MACROD2: variants seen among roughly 807,000 people sequenced by gnomAD.
MACROD2 encodes ADP-ribose glycohydrolase MACROD2.
In MACROD2, 36 loss-of-function variants were observed where a neutral mutation model predicts 70.4. That is an observed-to-expected ratio of 0.51 (90% confidence interval 0.39 to 0.68). MACROD2 has a LOEUF of 0.68. Among genes scored for constraint, MACROD2 ranks in the 30% least tolerant of loss-of-function variants. The probability of loss-of-function intolerance (pLI) is 0.00; values close to 1 mark genes in which losing one functional copy is unlikely to be tolerated. For missense variants in MACROD2, 496 were observed against 538.4 expected (o/e 0.92, Z 0.78); for synonymous variants, 172 against 178.8 (o/e 0.96, Z 0.30).
chr20:14,561,450 A>G (rs1035098868), intron 4 of MACROD2, among the ~76,000 whole-genome samples: 1 of 151,840 alleles, frequency 6.6e-6, no homozygotes, highest in Non-Finnish European at 1.5e-5. Context: ...TTCTATTGTC[A>G]TGAGCTTTTG....
At chr20:14,804,841 A>T (rs1238402865) in intron 5 of MACROD2, among the ~76,000 whole-genome samples, 2 of 151,576 alleles carry the variant, frequency 1.3e-5, no homozygotes, top group Non-Finnish European at 2.9e-5. Context: ...AAGAGAAGAG[A>T]TGAAGAGGTG....
intron 5 of MACROD2, among the ~76,000 whole-genome samples, chr20:15,200,044 G>A (rs1044607757): frequency 6.2e-5 from 9 of 145,882 alleles, no homozygotes; most frequent in Non-Finnish European, 1.2e-4. Context: ...GTAAATAACC[G>A]TTAAAAATAA....
chr20:15,711,716 C>T (rs1164110362), intron 8 of MACROD2, among the ~76,000 whole-genome samples: 2 of 152,190 alleles, frequency 1.3e-5, no homozygotes, highest in Non-Finnish European at 2.9e-5. Flanking sequence ...CCAGCATACA[C>T]TTTCAATCCA....
At chr20:14,713,057 A>T (rs1022277904) in intron 5 of MACROD2, among the ~76,000 whole-genome samples, 6 of 152,308 alleles carry the variant, frequency 3.9e-5, no homozygotes, top group Admixed American at 3.9e-4. Context: ...AAGTCAAGTC[A>T]ATTCAGTCAC....
chr20:14,441,976 A>AG (rs1231320408), intron 3 of MACROD2, among the ~76,000 whole-genome samples: 14 of 152,248 alleles, frequency 9.2e-5, no homozygotes, highest in Admixed American at 3.3e-4. Flanking sequence ...GATAAATTAA[A>AG]AATAAATGGG....
At chr20:15,568,680 A>G (rs1429567153) in intron 8 of MACROD2, among the ~76,000 whole-genome samples, 2 of 152,194 alleles carry the variant, frequency 1.3e-5, no homozygotes, top group Admixed American at 1.3e-4. Flanking sequence ...TGGGAAACGC[A>G]AGGTCACACA....
intron 3 of MACROD2, among the ~76,000 whole-genome samples, chr20:14,316,976 G>A (rs933413806): frequency 6.6e-6 from 1 of 151,942 alleles, no homozygotes; most frequent in Non-Finnish European, 1.5e-5. Flanking sequence ...AAAACTGCCC[G>A]TTTTCTTTCT....
intron 8 of MACROD2, among the ~76,000 whole-genome samples, chr20:15,676,970 C>T (rs1197493148): frequency 6.6e-6 from 1 of 152,100 alleles, no homozygotes; most frequent in Non-Finnish European, 1.5e-5. Flanking sequence ...CAATCTAAGT[C>T]AAATTTTTGA....
At chr20:14,404,011 T>C (rs902110606) in intron 3 of MACROD2, among the ~76,000 whole-genome samples, 2 of 152,004 alleles carry the variant, frequency 1.3e-5, no homozygotes, top group Non-Finnish European at 2.9e-5. Flanking sequence ...CCAGTTAAAT[T>C]GGACAAACAT....
intron 4 of MACROD2, among the ~76,000 whole-genome samples, chr20:14,532,707 A>G (rs2085321677): frequency 6.6e-6 from 1 of 152,092 alleles, no homozygotes; most frequent in Admixed American, 6.5e-5. Context: ...CTGTTGTTCA[A>G]ATATACGCTA....
intron 4 of MACROD2, among the ~76,000 whole-genome samples, chr20:14,553,814 T>A (rs1419835865): frequency 6.6e-6 from 1 of 152,176 alleles, no homozygotes; most frequent in Non-Finnish European, 1.5e-5. Context: ...AGGTAGGACC[T>A]GGTCCAATTT....
At chr20:14,583,682 G>T (rs60988283) in intron 4 of MACROD2, among the ~76,000 whole-genome samples, 28,110 of 152,156 alleles carry the variant, frequency 0.18, 3,351 homozygotes, top group Non-Finnish European at 0.26. Context: ...ATCTACCTTA[G>T]AAGGTTGTTG....
Position 14,468,516 on chromosome 20 carries a change from T to TGG in MACROD2, c.272-24955_272-24954dup, listed in dbSNP as rs375125884. Among the ~76,000 whole-genome samples, 62 of 104,160 alleles carry TGG rather than the reference T, an allele frequency of 6.0e-4. 1 individual carries two copies. Among genetic ancestry groups the TGG allele is most frequent in the South Asian group, 1.1e-3 (3 of 2,766 alleles). 68.3% of individuals were successfully genotyped at this position (104,160 alleles called of 152,430 possible). A position where few individuals can be genotyped will look rare whatever the true frequency, so the allele number is the denominator to read the frequency against. On this transcript the variant is annotated intron_variant, in intron 3 of 17. Coordinates refer to ENST00000684519, the MANE Select transcript of MACROD2 (RefSeq NM_001351661.2). ...TTTTGAGCCTCTGTGTGTCTTTTTT[T>TGG]GGGGGGGGGCGTTGGGGGCACCGTC...
intron 4 of MACROD2, among the ~76,000 whole-genome samples, chr20:14,619,381 AAGGAAGGAAGGAGGGGGG>A (rs1479541675): frequency 5.3e-5 from 3 of 56,758 alleles, no homozygotes; most frequent in Non-Finnish European, 7.0e-5. Context: ...TGAGGGAGGG[AAGGAAGGAAGGAGGGGGG>A]AGGAAGGAAG....
intron 3 of MACROD2, among the ~76,000 whole-genome samples, chr20:14,356,382 C>A (rs2083171946): frequency 6.6e-6 from 1 of 152,008 alleles, no homozygotes; most frequent in Admixed American, 6.6e-5. Context: ...AAAATTGGTG[C>A]CCTAAAATAA....
chr20:15,494,169 A>C (rs1334372788), intron 7 of MACROD2, among the ~76,000 whole-genome samples: 1 of 152,238 alleles, frequency 6.6e-6, no homozygotes, highest in Non-Finnish European at 1.5e-5. Flanking sequence ...ACATCTCAAC[A>C]TGCTAAATAA....
chr20:14,328,802 T>A (rs923229138), intron 3 of MACROD2: 2 of 152,068 alleles, frequency 1.3e-5, no homozygotes, highest in African/African-American at 4.8e-5. Context: ...CTCATTAAAG[T>A]GGGGGCAGAA....
chr20:14,442,861 G>C (rs911369026), intron 3 of MACROD2, among the ~76,000 whole-genome samples: 1 of 152,034 alleles, frequency 6.6e-6, no homozygotes, highest in African/African-American at 2.4e-5. Flanking sequence ...CAGATCATGA[G>C]GTCAGGAGAT....
At chr20:14,267,921 A>G (rs902484080) in intron 3 of MACROD2, among the ~76,000 whole-genome samples, 18 of 152,114 alleles carry the variant, frequency 1.2e-4, no homozygotes, top group African/African-American at 3.9e-4. Flanking sequence ...GCCAGAAAAA[A>G]GAAATAGGAT....
Sources: allele counts gnomAD v4.1 joint callset (sites outside exome capture counted in the v4.1 genomes callset), GRCh38; gene constraint gnomAD v4.1.1; transcripts MANE v1.5; gene names NCBI Gene and HGNC (gene_info 2026-07-23, HGNC 2026-07-21).